The following PCDHGA1 variants were observed in gnomAD, a reference collection of about 807,000 sequenced individuals.
PCDHGA1 encodes protocadherin gamma-A1.
A neutral mutation model predicts 58.0 loss-of-function variants in PCDHGA1; 32 were observed. The ratio of observed to expected loss-of-function variants is 0.55; its 90% CI spans 0.42 to 0.74. The LOEUF is 0.74. Ranked by LOEUF, PCDHGA1 falls within the 30% of genes least tolerant of loss-of-function variation. PCDHGA1 has a pLI of 0.00. For synonymous variants in PCDHGA1, 498 were observed against 501.1 expected, an observed-to-expected ratio of 0.99 and a Z score of 0.08; for missense variants, 1,205 against 1,182.3, an observed-to-expected ratio of 1.02 and a Z score of -0.28.
At chr5:141,421,565 A>G (rs1373619696) in intron 1 of PCDHGA1, 1 of 1,613,952 alleles carries the variant, frequency 6.2e-7, no homozygotes, top group Admixed American at 1.7e-5. Context: ...CTCGTGGAAG[A>G]CACCTTGAAG....
chr5:141,345,273 C>A (rs956533748), intron 1 of PCDHGA1: 10 of 1,613,808 alleles, frequency 6.2e-6, no homozygotes, highest in African/African-American at 1.3e-5. Context: ...GGACCGCGAA[C>A]AAATATCAGA....
chr5:141,356,378 C>T (rs749531855), intron 1 of PCDHGA1: 2 of 1,565,028 alleles, frequency 1.3e-6, no homozygotes, highest in South Asian at 2.3e-5. Flanking sequence ...CTGCCATTCA[C>T]ACTTGAAAAG....
Position 141,511,225 on chromosome 5 carries a change from C to A in PCDHGA1, c.*52C>A. ...GGCGGCCTCTCCCCAACCAGCCCAG[C>A]TTCTCCTTACCTGCACCCAGGCCTC... On this transcript the variant is annotated 3_prime_UTR_variant, in exon 4 of 4. Transcript: ENST00000517417. The A allele has an allele frequency of 6.2e-7, 1 of 1,601,624 alleles. No individual in the cohort carries two copies. Among genetic ancestry groups the A allele is most frequent in the Non-Finnish European group, 8.5e-7 (1 of 1,174,162 alleles).
rs150692324 is a variant in PCDHGA1 at position 141,431,149 on chromosome 5, G to T, written c.2422-63658G>T. 1.2e-6 allele frequency: 2 copies of T among 1,614,210 alleles called. No homozygotes were observed. Among genetic ancestry groups the T allele is most frequent in the Non-Finnish European group, 1.7e-6 (2 of 1,180,020 alleles). ...AAGTAAGGGACATTAACGACAATGC[G>T]CCTTACTTTCGTGAAAGTGAATTAG... On this transcript the variant is annotated intron_variant, in intron 1 of 3. Coordinates refer to ENST00000517417, the MANE Select transcript of PCDHGA1 (RefSeq NM_018912.3). This position sits in a 1 kb window ranked among gnomAD's most constrained non-coding sequence, Gnocchi z 4.8.
In PCDHGA1 at chr5:141,511,979, T is replaced by C. The variant is rs1205375941; in HGVS notation, c.*806T>C. ...AGGAAGGGAAGTGTGTGGATGTGGA[T>C]GGTGGGGGCATGGACAAAGCTTGAC... On this transcript the variant is annotated 3_prime_UTR_variant, in exon 4 of 4. Transcript: ENST00000517417. The C allele has an allele frequency of 6.5e-5, 10 of 153,278 alleles. No individual in the cohort carries two copies. The highest frequency in any genetic ancestry group is 1.5e-4 in the Non-Finnish European group (10 of 68,568). The allele number at this position is 153,278 out of a possible 1,614,324, so 9.5% of individuals were successfully genotyped here.
chr5:141,388,743 A>G (rs1228676619), intron 1 of PCDHGA1: 1 of 1,613,916 alleles, frequency 6.2e-7, no homozygotes, highest in Non-Finnish European at 8.5e-7. Context: ...AGCTAGCCAG[A>G]TCACCCAATT....
At chr5:141,385,287 T>C in intron 1 of PCDHGA1, 1 of 1,613,408 alleles carries the variant, frequency 6.2e-7, no homozygotes, top group Non-Finnish European at 8.5e-7. Flanking sequence ...CATCCGTAGA[T>C]TTTCAGGAAT....
intron 1 of PCDHGA1, chr5:141,421,492 G>C: frequency 1.7e-5 from 28 of 1,614,106 alleles, no homozygotes; most frequent in Non-Finnish European, 2.3e-5. Flanking sequence ...GATCACGGCA[G>C]GCAGGATAGA....
At chr5:141,466,515 TTTTCCTCCCAAATTGA>T (rs2099124043) in intron 1 of PCDHGA1, among the ~76,000 whole-genome samples, 1 of 152,232 alleles carries the variant, frequency 6.6e-6, no homozygotes, top group Admixed American at 6.5e-5. Context: ...AGATCATTTT[TTTTCCTCCCAAATTGA>T]TGTAGATGGT....
At chr5:141,427,808 G>C (rs756554301) in intron 1 of PCDHGA1, 1 of 1,522,948 alleles carries the variant, frequency 6.6e-7, no homozygotes, top group Non-Finnish European at 9.0e-7. Context: ...TGAGCGCACA[G>C]AGCGGGGTGG....
intron 1 of PCDHGA1, chr5:141,374,871 CA>C: frequency 6.2e-7 from 1 of 1,613,662 alleles, no homozygotes; most frequent in South Asian, 1.1e-5. Flanking sequence ...CCAGTGTTGG[CA>C]GTGACTGCCA....
chr5:141,433,142 G>A, intron 1 of PCDHGA1: 2 of 1,614,108 alleles, frequency 1.2e-6, no homozygotes, highest in African/African-American at 1.3e-5. Flanking sequence ...TTTGCTGTCA[G>A]GTGATTCGGT....
At chr5:141,403,378 T>G in intron 1 of PCDHGA1, 5 of 1,614,002 alleles carry the variant, frequency 3.1e-6, no homozygotes, top group Non-Finnish European at 4.2e-6. Context: ...AAGTAAAAAT[T>G]AACGAAATCG....
intron 1 of PCDHGA1, chr5:141,371,489 C>A (rs548103153): frequency 6.2e-6 from 10 of 1,613,918 alleles, no homozygotes; most frequent in Non-Finnish European, 8.5e-6. Flanking sequence ...TGGGGACTGC[C>A]GTTGCCCTGA....
At chr5:141,360,581 G>T in intron 1 of PCDHGA1, 1 of 1,613,946 alleles carries the variant, frequency 6.2e-7, no homozygotes, top group Non-Finnish European at 8.5e-7. Flanking sequence ...ACTAAGCCAG[G>T]TACAACATTT....
intron 1 of PCDHGA1, chr5:141,400,383 T>C (rs1267422491): frequency 6.2e-7 from 1 of 1,614,088 alleles, no homozygotes. Flanking sequence ...ACCTATGTGT[T>C]GCACATACAG....
At chr5:141,370,663 T>C (rs1319897209) in intron 1 of PCDHGA1, 1 of 1,613,900 alleles carries the variant, frequency 6.2e-7, no homozygotes, top group East Asian at 2.2e-5. Flanking sequence ...AGCGACCGTA[T>C]AGACCGAGAG....
intron 1 of PCDHGA1, chr5:141,365,650 G>C: frequency 6.2e-7 from 1 of 1,613,414 alleles, no homozygotes; most frequent in South Asian, 1.1e-5. Flanking sequence ...ACATCCCCTT[G>C]AAAGTAGCAG....
chr5:141,366,516 GCA>G (rs1377618630), intron 1 of PCDHGA1: 10 of 1,614,156 alleles, frequency 6.2e-6, no homozygotes, highest in East Asian at 4.5e-5. Context: ...CAGGCTGAAG[GCA>G]GCAGGTTGGC....
Sources: allele counts gnomAD v4.1 joint callset (sites outside exome capture counted in the v4.1 genomes callset), GRCh38; gene constraint gnomAD v4.1.1; non-coding constraint Gnocchi (gnomAD v3.1); transcripts MANE v1.5; gene names NCBI Gene and HGNC (gene_info 2026-07-23, HGNC 2026-07-21).